Variants in WASF3 observed in about 807,000 individuals in gnomAD.
WASF3 encodes WASP family member 3.
A neutral mutation model predicts 46.6 loss-of-function variants in WASF3; 11 were observed. The ratio of observed to expected loss-of-function variants is 0.24; its 90% confidence interval spans 0.15 to 0.39. The LOEUF (loss-of-function observed/expected upper bound fraction) is 0.39. WASF3 is among the 10% of genes least tolerant of loss of function. The pLI is 1.00. For synonymous variants in WASF3, 242 were observed against 259.7 expected (o/e 0.93, Z 0.65); for missense variants, 576 against 669.8 (o/e 0.86, Z 1.55).
chr13:26,681,261 TC>T lies in WASF3; in HGVS notation c.929del (p.Pro310LeufsTer25). 1 of 1,520,080 alleles carries T rather than the reference TC, an allele frequency of 6.6e-7. No individual in the cohort carries two copies. The allele number at this position is 1,520,080 out of a possible 1,614,324, so 94.2% of individuals were successfully genotyped here. ...NRPQQPPPPP[P>X]PQAPEGSQAS... ...GACCTCAGCAGCCGCCCCCCCCGCC[TC>T]CCCCTCAGGCCCCAGAGGGGTCCCA... On this transcript the variant is annotated frameshift_variant, in exon 8 of 10. Transcript: ENST00000335327. LOFTEE classifies it high-confidence loss of function.
At chr13:26,627,218 G>T (rs1190194562) in intron 2 of WASF3, among the ~76,000 whole-genome samples, 1 of 151,594 alleles carries the variant, frequency 6.6e-6, no homozygotes, top group Admixed American at 6.6e-5. Flanking sequence ...ATCTTATTTT[G>T]GTAATATAAA....
At chr13:26,587,818 C>T (rs1276582710) in intron 1 of WASF3, among the ~76,000 whole-genome samples, 1 of 152,124 alleles carries the variant, frequency 6.6e-6, no homozygotes, top group Non-Finnish European at 1.5e-5. Flanking sequence ...AAAAATTGGT[C>T]TTCATCTGTT....
At chr13:26,615,377 C>T (rs1023409120) in intron 2 of WASF3, among the ~76,000 whole-genome samples, 27 of 152,022 alleles carry the variant, frequency 1.8e-4, no homozygotes, top group African/African-American at 5.1e-4. Flanking sequence ...GGTATAATCT[C>T]GGCTCACTGC....
intron 5 of WASF3, 119 bp from the exon 6 acceptor site, chr13:26,671,753 G>C (rs1882930189): frequency 1.5e-6 from 1 of 655,260 alleles, no homozygotes; most frequent in Non-Finnish European, 2.6e-6. Context: ...GTGTAGGAGA[G>C]TTTAAGTGCC....
intron 1 of WASF3, among the ~76,000 whole-genome samples, chr13:26,560,747 T>C (rs1879270375): frequency 6.6e-6 from 1 of 152,224 alleles, no homozygotes; most frequent in Non-Finnish European, 1.5e-5. Flanking sequence ...AGTTTTAATA[T>C]GTGCCGGGGA....
At chr13:26,667,340 A>G (rs1468363234) in intron 4 of WASF3, among the ~76,000 whole-genome samples, 177 bp from the exon 5 acceptor site, 1 of 152,250 alleles carries the variant, frequency 6.6e-6, no homozygotes, top group Non-Finnish European at 1.5e-5. Flanking sequence ...AGTGATAGCT[A>G]TTATCTGTGA....
rs1353634407 is a variant in WASF3, at chr13:26,612,960, G to T, written c.-108-1G>T. ...ATTAATTTTTTTTCTTTTCTTTGTAGTTTTAGTTTTGATTGCTGTTAACTA... is the reference window on the plus strand; with the variant it reads ...ATTAATTTTTTTTCTTTTCTTTGTATTTTTAGTTTTGATTGCTGTTAACTA... On this transcript the variant is annotated splice_acceptor_variant, in intron 1 of 9. Coordinates refer to ENST00000335327, the MANE Select transcript of WASF3 (RefSeq NM_006646.6). LOFTEE classifies it low-confidence loss of function (5UTR_SPLICE). 2 of 152,010 alleles carry T rather than the reference G, an allele frequency of 1.3e-5. No homozygotes were observed. Among genetic ancestry groups the T allele is most frequent in the East Asian group, 3.9e-4 (2 of 5,172 alleles). 9.4% of individuals were successfully genotyped at this position (152,010 alleles called of 1,614,324 possible).
intron 3 of WASF3, among the ~76,000 whole-genome samples, chr13:26,661,904 G>T (rs1317886294): frequency 6.6e-6 from 1 of 152,190 alleles, no homozygotes; most frequent in Non-Finnish European, 1.5e-5. Context: ...AGAAATGGTA[G>T]GTAAAGCACT....
At chr13:26,654,447 A>G (rs544816568) in intron 3 of WASF3, among the ~76,000 whole-genome samples, 1 of 152,262 alleles carries the variant, frequency 6.6e-6, no homozygotes, top group Non-Finnish European at 1.5e-5. Context: ...ACTTATTTTC[A>G]CCAGACATAT....
chr13:26,625,889 A>G (rs1332999224), intron 2 of WASF3, among the ~76,000 whole-genome samples: 1 of 152,230 alleles, frequency 6.6e-6, no homozygotes, highest in Non-Finnish European at 1.5e-5. Context: ...TAGAGCAACT[A>G]CTATGAAAAA....
chr13:26,630,323 C>T lies in WASF3; in HGVS notation c.-10-11938C>T, dbSNP rs185118750. Among the ~76,000 whole-genome samples the T allele has an allele frequency of 2.5e-3, 388 of 152,242 alleles. 3 individuals are homozygous for T. The highest frequency in any genetic ancestry group is 9.0e-3 in the African/African-American group (372 of 41,556). The stretch of plus-strand genomic sequence containing the variant: ...GTCCTTCCCCCAGCCCCCCAACCCC[C>T]AACAGGCCCTGGTGTGTGATGTTCC... On this transcript the variant is annotated intron_variant, in intron 2 of 9. Transcript: ENST00000335327.
chr13:26,559,832 T>TCTCTCTTTC (rs1253899837), intron 1 of WASF3, among the ~76,000 whole-genome samples: 1 of 98,734 alleles, frequency 1.0e-5, no homozygotes, highest in South Asian at 3.8e-4. Flanking sequence ...TTTTTTTTTT[T>TCTCTCTTTC]TTGAGACGGA....
At chr13:26,574,805 A>G (rs1002231668) in intron 1 of WASF3, among the ~76,000 whole-genome samples, 3 of 149,864 alleles carry the variant, frequency 2.0e-5, no homozygotes, top group Non-Finnish European at 3.0e-5. Flanking sequence ...TAATAGTACC[A>G]TTGAATTCGT....
At chr13:26,543,399 C>G in the WASF3 span, among the ~76,000 whole-genome samples, 1 of 152,092 alleles carries the variant, frequency 6.6e-6, no homozygotes, top group Non-Finnish European at 1.5e-5. Flanking sequence ...ATTCAGAAAG[C>G]TTTTAGCTTT....
At chr13:26,554,084 C>CTTTCTTTCTTTCTTTCTTTCTTTCT (rs1268537550), upstream of WASF3, among the ~76,000 whole-genome samples, 1 of 36,190 alleles carries the variant, frequency 2.8e-5, no homozygotes, top group East Asian at 1.3e-3. Flanking sequence ...TCCTTCCTTC[C>CTTTCTTTCTTTCTTTCTTTCTTTCT]TTCCTTCCTT....
chr13:26,558,783 A>G (rs1879188473), intron 1 of WASF3, among the ~76,000 whole-genome samples: 1 of 152,234 alleles, frequency 6.6e-6, no homozygotes, highest in Admixed American at 6.5e-5. Context: ...TGAAAATTAA[A>G]AAGACTACTT....
intron 1 of WASF3, among the ~76,000 whole-genome samples, chr13:26,578,834 A>G (rs1879880997): frequency 6.6e-6 from 1 of 152,010 alleles, no homozygotes; most frequent in African/African-American, 2.4e-5. Flanking sequence ...GATATCATTT[A>G]ACATCTTTTC....
chr13:26,606,320 T>A (rs1880795176), intron 1 of WASF3, among the ~76,000 whole-genome samples: 1 of 104,650 alleles, frequency 9.6e-6, no homozygotes, highest in African/African-American at 3.5e-5. Context: ...CTCTTTTTTT[T>A]CGTGTGTGTG....
At chr13:26,606,173 T>G (rs113910533) in intron 1 of WASF3, among the ~76,000 whole-genome samples, 263 of 152,274 alleles carry the variant, frequency 1.7e-3, no homozygotes, top group Non-Finnish European at 3.3e-3. Flanking sequence ...ATTTTTGTAG[T>G]TAGGGAAACT....
Sources: allele counts gnomAD v4.1 joint callset (sites outside exome capture counted in the v4.1 genomes callset), GRCh38; gene constraint gnomAD v4.1.1; transcripts MANE v1.5; gene names NCBI Gene and HGNC (gene_info 2026-07-23, HGNC 2026-07-21).